Variants in ITGA8 observed in about 807,000 individuals in gnomAD.
ITGA8 encodes the protein integrin alpha-8.
ITGA8 carries 91 observed loss-of-function variants against 142.3 expected under a neutral mutation model. The observed-to-expected ratio is 0.64, with a 90% CI of 0.54 to 0.76. The LOEUF (loss-of-function observed/expected upper bound fraction) is 0.76, where lower values mean the gene tolerates loss of function less well. Among genes scored for constraint, ITGA8 ranks in the 30% least tolerant of loss-of-function variants. The pLI, the probability that ITGA8 is intolerant of heterozygous loss-of-function variation, is 0.00. For missense variants in ITGA8, 1,406 were observed against 1,327.7 expected (o/e 1.06, Z -0.92); for synonymous variants, 505 against 485.2 (o/e 1.04, Z -0.54).
chr10:15,535,873 C>T (rs11817606), intron 27 of ITGA8, among the ~76,000 whole-genome samples: 30,078 of 151,984 alleles, frequency 0.2, 4,017 homozygotes, highest in African/African-American at 0.38. Flanking sequence ...GTCCACGCTG[C>T]CTTTATGAGC....
At position 15,672,674 on chromosome 10, in the gene ITGA8, C is replaced by G. The variant is rs1212559483; in HGVS notation, c.752G>C (p.Gly251Ala). The change falls in exon 7 of 30, where the codon GGA becomes GCA. Residue 251 changes from glycine (G) to alanine (A), a missense_variant. Gly to Ala is a moderately conservative substitution (Grantham distance 60). Transcript: ENST00000378076. The stretch of plus-strand genomic sequence containing the variant: ...TGGAGCCACTTCCGTCTGCTTTTCT[C>G]CTGCCAGTTTCCTGAGGATATCCTT... ...SFKDILRKLA[G>A]EKQTEVAPAS... 6.2e-7 allele frequency: 1 copy of G among 1,613,782 alleles called. No individual in the cohort carries two copies. Among genetic ancestry groups the G allele is most frequent in the Non-Finnish European group, 8.5e-7 (1 of 1,179,882 alleles).
chr10:15,583,352 C>T (rs139037883), intron 23 of ITGA8, among the ~76,000 whole-genome samples: 8 of 151,872 alleles, frequency 5.3e-5, no homozygotes, highest in Admixed American at 1.3e-4. Flanking sequence ...CATCACACAG[C>T]GGGGCCTACT....
chr10:15,663,134 T>TA lies in ITGA8; in HGVS notation c.848-2213_848-2212insT, dbSNP rs1834321132. Among the ~76,000 whole-genome samples, 3 of 151,690 alleles carry TA rather than the reference T, an allele frequency of 2.0e-5. No individual in the cohort carries two copies. In the South Asian group the frequency reaches 6.3e-4, roughly 32 times the overall value. ...AGAGGACATTGAAGTGCTCACTGTT[T>TA]TTTAAAATAGAATTCTCATTCCCTG... On this transcript the variant is annotated intron_variant, in intron 8 of 29. Coordinates refer to ENST00000378076, the MANE Select transcript of ITGA8 (RefSeq NM_003638.3).
intron 11 of ITGA8, among the ~76,000 whole-genome samples, chr10:15,649,869 T>C (rs774280207): frequency 3.5e-4 from 54 of 152,332 alleles, no homozygotes; most frequent in Non-Finnish European, 5.7e-4. Flanking sequence ...ACAGCCATTT[T>C]GGAAGACAGT....
intron 11 of ITGA8, 123 bp from the exon 12 acceptor site, chr10:15,647,174 C>T (rs936175410): frequency 3.0e-5 from 21 of 705,394 alleles, no homozygotes; most frequent in Non-Finnish European, 4.6e-5. Context: ...GGTTATTTTA[C>T]AATCATCAGA....
At chr10:15,575,155 C>A (rs1023566786) in intron 24 of ITGA8, among the ~76,000 whole-genome samples, 2 of 151,960 alleles carry the variant, frequency 1.3e-5, no homozygotes, top group African/African-American at 4.8e-5. Context: ...GTGAGTGGCT[C>A]AGGTGGGTGG....
At chr10:15,605,596 A>G in intron 19 of ITGA8, 128 bp downstream of exon 19, 1 of 751,646 alleles carries the variant, frequency 1.3e-6, no homozygotes, top group Non-Finnish European at 2.3e-6. Context: ...AGTGTAGCCA[A>G]GCTCAAGAAT....
At chr10:15,698,557 A>T (rs565383380) in intron 2 of ITGA8, among the ~76,000 whole-genome samples, 1 of 152,290 alleles carries the variant, frequency 6.6e-6, no homozygotes, top group African/African-American at 2.4e-5. Context: ...TTTTCACAAC[A>T]TCCACACCAA....
intron 28 of ITGA8, among the ~76,000 whole-genome samples, chr10:15,523,638 G>C (rs1833109134): frequency 6.6e-6 from 1 of 151,982 alleles, no homozygotes; most frequent in Non-Finnish European, 1.5e-5. Flanking sequence ...GGCCAGGTGT[G>C]GTGGCTTACG....
chr10:15,591,584 TC>T (rs1316691803), intron 22 of ITGA8, among the ~76,000 whole-genome samples: 1 of 152,104 alleles, frequency 6.6e-6, no homozygotes, highest in Non-Finnish European at 1.5e-5. Flanking sequence ...CTTCAGGTCT[TC>T]CTGTTCACGA....
intron 11 of ITGA8, among the ~76,000 whole-genome samples, chr10:15,650,898 T>A (rs1161823931): frequency 6.6e-6 from 1 of 152,200 alleles, no homozygotes; most frequent in East Asian, 1.9e-4. Context: ...CTACAACCTC[T>A]TTATGGTTTA....
At chr10:15,637,989 A>T (rs1444540103) in intron 13 of ITGA8, among the ~76,000 whole-genome samples, 1 of 152,098 alleles carries the variant, frequency 6.6e-6, no homozygotes, top group Admixed American at 6.6e-5. Context: ...TAAGCACTGT[A>T]TTTACCTTCT....
At chr10:15,719,034 C>G in intron 1 of ITGA8, 135 bp from the exon 2 acceptor site, 2 of 1,324,024 alleles carry the variant, frequency 1.5e-6, no homozygotes, top group Non-Finnish European at 2.1e-6. Flanking sequence ...TGAGGACCGA[C>G]TGTCAAACTT....
chr10:15,538,962 T>G (rs1476978105), intron 27 of ITGA8, among the ~76,000 whole-genome samples: 2 of 99,114 alleles, frequency 2.0e-5, no homozygotes, highest in African/African-American at 6.4e-5. Context: ...GGTTTTTTTT[T>G]TTTTTTTTTT....
At chr10:15,655,126 A>G (rs1834158558) in intron 11 of ITGA8, among the ~76,000 whole-genome samples, 1 of 152,222 alleles carries the variant, frequency 6.6e-6, no homozygotes, top group South Asian at 2.1e-4. Context: ...GAAATAAAAT[A>G]GTCCTCCTCT....
At chr10:15,560,008 C>T (rs986372573) in intron 25 of ITGA8, among the ~76,000 whole-genome samples, 2 of 152,088 alleles carry the variant, frequency 1.3e-5, no homozygotes, top group African/African-American at 4.8e-5. Context: ...ATATTATGAG[C>T]CAGGCTTATG....
chr10:15,517,346 T>A, intron 29 of ITGA8, 102 bp from the exon 30 acceptor site: 1 of 673,458 alleles, frequency 1.5e-6, no homozygotes, highest in Non-Finnish European at 2.4e-6. Flanking sequence ...TTTTTTAAAC[T>A]GAGTCTCGCT....
chr10:15,707,614 G>A (rs1252690238), intron 2 of ITGA8, among the ~76,000 whole-genome samples: 4 of 152,050 alleles, frequency 2.6e-5, no homozygotes, highest in African/African-American at 9.7e-5. Context: ...CCTGAGGTCA[G>A]CAGTTCGAGA....
chr10:15,562,302 C>A (rs1347322488), intron 25 of ITGA8, among the ~76,000 whole-genome samples: 1 of 152,198 alleles, frequency 6.6e-6, no homozygotes, highest in Non-Finnish European at 1.5e-5. Context: ...GCAGATGCCC[C>A]TGCGAAGCTG....
Sources: allele counts gnomAD v4.1 joint callset (sites outside exome capture counted in the v4.1 genomes callset), GRCh38; gene constraint gnomAD v4.1.1; transcripts MANE v1.5; gene names NCBI Gene and HGNC (gene_info 2026-07-23, HGNC 2026-07-21).